The following PRDM6 variants were observed in gnomAD, a reference collection of about 807,000 sequenced individuals.
PRDM6 encodes the protein PR/SET domain 6.
Under a neutral mutation model 60.8 loss-of-function variants are expected in PRDM6, and 25 were observed. The ratio of observed to expected loss-of-function variants is 0.41; its 90% CI spans 0.30 to 0.57. The LOEUF (loss-of-function observed/expected upper bound fraction) is 0.57, where lower values mean the gene tolerates loss of function less well. PRDM6 is among the 20% of genes least tolerant of loss of function. The pLI is 0.27. For missense variants in PRDM6, 839 were observed against 821.3 expected (o/e 1.02, Z -0.26); for synonymous variants, 407 against 357.4 (o/e 1.14, Z -1.57).
At chr5:123,101,168 T>C (rs1764094493) in intron 3 of PRDM6, among the ~76,000 whole-genome samples, 1 of 152,192 alleles carries the variant, frequency 6.6e-6, no homozygotes, top group Non-Finnish European at 1.5e-5. Flanking sequence ...AAATTTTTGA[T>C]GAGTGCCCAC....
chr5:123,169,799 C>T (rs1442525756), intron 5 of PRDM6, among the ~76,000 whole-genome samples: 1 of 152,220 alleles, frequency 6.6e-6, no homozygotes, highest in Non-Finnish European at 1.5e-5. Flanking sequence ...CCACTGTCCT[C>T]ATTTTATAGA....
In PRDM6 at chr5:123,171,500, G is replaced by A. The variant is rs335203; in HGVS notation, c.1496+392G>A. Among the ~76,000 whole-genome samples the A allele has an allele frequency of 4.3e-3, 661 of 152,278 alleles. 4 individuals carry two copies. The highest frequency in any genetic ancestry group is 5.8e-3 in the Non-Finnish European group (392 of 68,028). On this transcript the variant is annotated intron_variant, in intron 6 of 7. Transcript: ENST00000407847. ...TTTCAGGGTTCACCTCCAGTGTGCC[G>A]TGGGTATGAACTTAATTAAGTACTA...
rs551675521 is a variant in PRDM6 at position 123,090,589 on chromosome 5, C to T, written c.575C>T (p.Thr192Ile). 9 of 1,524,164 alleles carry T rather than the reference C, an allele frequency of 5.9e-6. No individual in the cohort carries two copies. Among genetic ancestry groups the T allele is most frequent in the African/African-American group, 1.4e-5 (1 of 71,458 alleles). 94.4% of individuals were successfully genotyped at this position (1,524,164 alleles called of 1,614,324 possible). ...RMEIIPLNQH[T>I]SDPNNRCDMC... ...GAGATCATCCCGCTCAACCAGCACA[C>T]CAGCGACCCCAACAACCGTACGTAG... The change falls in exon 2 of 8, where the codon ACC (threonine) becomes ATC (isoleucine). Residue 192 changes from threonine (T) to isoleucine (I), a missense_variant. Thr to Ile is a moderately conservative substitution (Grantham distance 89). Transcript: ENST00000407847.
At chr5:123,092,585 T>C (rs1453600539) in intron 2 of PRDM6, among the ~76,000 whole-genome samples, 1 of 152,326 alleles carries the variant, frequency 6.6e-6, no homozygotes, top group East Asian at 1.9e-4. Flanking sequence ...TTGGAGAAAA[T>C]AAATTACAAT....
At chr5:123,178,688 A>G (rs1444484484) in intron 6 of PRDM6, among the ~76,000 whole-genome samples, 1 of 152,210 alleles carries the variant, frequency 6.6e-6, no homozygotes, top group African/African-American at 2.4e-5. Context: ...TAGTCAAGCT[A>G]AAAAATTCTA....
chr5:123,107,532 C>T (rs1051443968), intron 3 of PRDM6, among the ~76,000 whole-genome samples: 1 of 152,152 alleles, frequency 6.6e-6, no homozygotes, highest in Non-Finnish European at 1.5e-5. Flanking sequence ...AGGGCTCTTT[C>T]CAATGAAAGC....
chr5:123,147,169 T>C (rs1166547224), intron 3 of PRDM6, among the ~76,000 whole-genome samples: 2 of 152,166 alleles, frequency 1.3e-5, no homozygotes, highest in African/African-American at 4.8e-5. Flanking sequence ...TCTTGTTGAC[T>C]GCTTTAATTA....
At chr5:123,110,409 C>T (rs1008289460) in intron 3 of PRDM6, among the ~76,000 whole-genome samples, 8 of 151,624 alleles carry the variant, frequency 5.3e-5, no homozygotes, top group Non-Finnish European at 1.0e-4. Context: ...CAGGCAGCTG[C>T]CACCACGCCT....
chr5:123,130,233 C>T (rs1286839547), intron 3 of PRDM6, among the ~76,000 whole-genome samples: 1 of 85,820 alleles, frequency 1.2e-5, no homozygotes, highest in Non-Finnish European at 2.5e-5. Context: ...CCTCTCCCCT[C>T]CCCTTCCCTT....
At chr5:123,157,658 C>G (rs1222349198) in intron 4 of PRDM6, among the ~76,000 whole-genome samples, 1 of 152,126 alleles carries the variant, frequency 6.6e-6, no homozygotes, top group Non-Finnish European at 1.5e-5. Flanking sequence ...TGACCACGTC[C>G]AAGAGTAAGA....
intron 6 of PRDM6, among the ~76,000 whole-genome samples, chr5:123,173,962 A>G (rs919967559): frequency 7.9e-5 from 12 of 152,222 alleles, no homozygotes; most frequent in African/African-American, 1.7e-4. Context: ...TGGGACATCA[A>G]ATTTGTTCAT....
At chr5:123,120,979 C>A (rs1022131329) in intron 3 of PRDM6, among the ~76,000 whole-genome samples, 7 of 151,924 alleles carry the variant, frequency 4.6e-5, no homozygotes, top group African/African-American at 1.7e-4. Context: ...AAATGTGGGA[C>A]CTTTTTCCTT....
chr5:123,127,337 C>T (rs1764716085), intron 3 of PRDM6, among the ~76,000 whole-genome samples: 1 of 152,146 alleles, frequency 6.6e-6, no homozygotes, highest in Non-Finnish European at 1.5e-5. Context: ...CGTGCCTGGC[C>T]CCAACACTTA....
At chr5:123,114,609 C>T (rs1236749007) in intron 3 of PRDM6, among the ~76,000 whole-genome samples, 1 of 152,216 alleles carries the variant, frequency 6.6e-6, no homozygotes, top group East Asian at 1.9e-4. Context: ...TCAACATTGA[C>T]TGGAGGTCCT....
rs1766422121 is a variant in PRDM6, at chr5:123,191,095, A to C, written c.*3894A>C. On this transcript the variant is annotated 3_prime_UTR_variant, in exon 8 of 8. Coordinates refer to ENST00000407847, the MANE Select transcript of PRDM6 (RefSeq NM_001136239.4). Reference sequence around the variant, plus strand: ...AGGGCCTGGGTCTTGGGTTTTTATGACCCCCCCTTTCAATGATAAGGCAAC... The same window carrying C: ...AGGGCCTGGGTCTTGGGTTTTTATGCCCCCCCCTTTCAATGATAAGGCAAC... 6.6e-6 allele frequency: 1 copy of C among 151,604 alleles called. No homozygotes were observed. The highest frequency in any genetic ancestry group is 1.5e-5 in the Non-Finnish European group (1 of 67,936). 9.4% of individuals were successfully genotyped at this position (151,604 alleles called of 1,614,324 possible).
intron 2 of PRDM6, among the ~76,000 whole-genome samples, 175 bp downstream of exon 2, chr5:123,090,781 T>C (rs1438507789): frequency 6.6e-6 from 1 of 152,156 alleles, no homozygotes. Flanking sequence ...AAAAGTTTTC[T>C]GGCGTTGGAG....
chr5:123,112,214 T>C lies in PRDM6; in HGVS notation c.900+12253T>C, dbSNP rs142693707. Among the ~76,000 whole-genome samples the C allele has an allele frequency of 6.2e-3, 940 of 151,992 alleles. 5 individuals carry two copies. The highest frequency in any genetic ancestry group is 9.0e-3 in the Non-Finnish European group (609 of 68,020). Reference sequence around the variant, plus strand: ...GGCAGTGTACAAAGGGCCTGGGTTCTAGCTCTCACTGGGTGTGAGCTATGT... The same window carrying C: ...GGCAGTGTACAAAGGGCCTGGGTTCCAGCTCTCACTGGGTGTGAGCTATGT... On this transcript the variant is annotated intron_variant, in intron 3 of 7. Transcript: ENST00000407847.
intron 3 of PRDM6, among the ~76,000 whole-genome samples, chr5:123,144,224 C>T (rs1158018191): frequency 1.3e-5 from 2 of 152,196 alleles, no homozygotes; most frequent in Non-Finnish European, 2.9e-5. Flanking sequence ...GACAGCTTCC[C>T]CTAGAGCTCT....
chr5:123,147,409 CTG>C (rs1765270368), intron 3 of PRDM6, among the ~76,000 whole-genome samples: 1 of 152,032 alleles, frequency 6.6e-6, no homozygotes, highest in East Asian at 1.9e-4. Context: ...TGTGTGGACA[CTG>C]GAGACAGTTG....
Sources: allele counts gnomAD v4.1 joint callset (sites outside exome capture counted in the v4.1 genomes callset), GRCh38; gene constraint gnomAD v4.1.1; transcripts MANE v1.5; gene names NCBI Gene and HGNC (gene_info 2026-07-23, HGNC 2026-07-21).